B3GALT1: variants seen among roughly 807,000 people sequenced by gnomAD.
B3GALT1 encodes UDP-Gal:betaGlcNAc beta 1,3-galactosyltransferase, polypeptide 1.
B3GALT1 carries 10 observed loss-of-function variants against 23.2 expected under a neutral mutation model. That is an observed-to-expected ratio of 0.43 (90% CI 0.27 to 0.73). The LOEUF (loss-of-function observed/expected upper bound fraction) is 0.73, where lower values mean the gene tolerates loss of function less well. Among genes scored for constraint, B3GALT1 ranks in the 30% least tolerant of loss-of-function variants. The probability of loss-of-function intolerance (pLI) is 0.21; values close to 1 mark genes in which losing one functional copy is unlikely to be tolerated. For missense variants in B3GALT1, 299 were observed against 405.4 expected, an observed-to-expected ratio of 0.74 and a Z score of 2.25; for synonymous variants, 156 against 141.5, an observed-to-expected ratio of 1.10 and a Z score of -0.73.
At chr2:167,679,044 T>C (rs1686478872) in intron 3 of B3GALT1, among the ~76,000 whole-genome samples, 1 of 152,178 alleles carries the variant, frequency 6.6e-6, no homozygotes. Flanking sequence ...TATTCTTTTG[T>C]ACCTCTTCTG....
At chr2:167,424,994 T>C (rs1441288835) in intron 1 of B3GALT1, among the ~76,000 whole-genome samples, 1 of 152,126 alleles carries the variant, frequency 6.6e-6, no homozygotes, top group Non-Finnish European at 1.5e-5. Flanking sequence ...AGCTGCTCCT[T>C]CTGGTTAATT....
intron 1 of B3GALT1, among the ~76,000 whole-genome samples, chr2:167,422,597 A>G (rs1020672761): frequency 6.6e-6 from 1 of 152,154 alleles, no homozygotes; most frequent in African/African-American, 2.4e-5. Context: ...CAAAGAAACC[A>G]TGAGTGTACT....
intron 3 of B3GALT1, among the ~76,000 whole-genome samples, chr2:167,648,996 T>C (rs1685806398): frequency 6.6e-6 from 1 of 152,132 alleles, no homozygotes; most frequent in African/African-American, 2.4e-5. Context: ...GTAGATTTTA[T>C]AGCCTTTCAC....
chr2:167,691,794 A>G (rs1686718388), intron 3 of B3GALT1, among the ~76,000 whole-genome samples: 1 of 152,222 alleles, frequency 6.6e-6, no homozygotes, highest in Non-Finnish European at 1.5e-5. Context: ...GATAAAATGT[A>G]TAAGCTGTGT....
intron 4 of B3GALT1, among the ~76,000 whole-genome samples, chr2:167,830,835 G>A (rs922251088): frequency 1.3e-5 from 2 of 152,166 alleles, no homozygotes; most frequent in East Asian, 1.9e-4. Flanking sequence ...TGAACTGACC[G>A]TTCCCAGGAA....
chr2:167,391,621 G>A (rs1337014388), intron 1 of B3GALT1, among the ~76,000 whole-genome samples: 2 of 152,168 alleles, frequency 1.3e-5, no homozygotes, highest in Admixed American at 1.3e-4. Flanking sequence ...CAAATGTGAG[G>A]TTTTAAAGTT....
intron 2 of B3GALT1, among the ~76,000 whole-genome samples, chr2:167,642,863 T>G (rs1417826598): frequency 6.6e-6 from 1 of 152,130 alleles, no homozygotes; most frequent in African/African-American, 2.4e-5. Context: ...TAATATAATA[T>G]TAGGCATCCA....
At chr2:167,416,061 C>T (rs1291111168) in intron 1 of B3GALT1, among the ~76,000 whole-genome samples, 5 of 152,086 alleles carry the variant, frequency 3.3e-5, no homozygotes, top group African/African-American at 1.2e-4. Flanking sequence ...AAAGCTTGTT[C>T]AAGAGAGGAA....
At chr2:167,630,522 G>C (rs1470721765) in intron 2 of B3GALT1, among the ~76,000 whole-genome samples, 1 of 151,532 alleles carries the variant, frequency 6.6e-6, no homozygotes, top group Non-Finnish European at 1.5e-5. Flanking sequence ...TAATTTTTTA[G>C]ATACAGAAAT....
intron 2 of B3GALT1, among the ~76,000 whole-genome samples, chr2:167,642,568 C>G (rs1685671912): frequency 6.6e-6 from 1 of 152,190 alleles, no homozygotes; most frequent in Non-Finnish European, 1.5e-5. Context: ...CTGACCTGAT[C>G]TGACATTGAT....
At chr2:167,538,847 A>G (rs1683481367) in intron 2 of B3GALT1, among the ~76,000 whole-genome samples, 1 of 152,256 alleles carries the variant, frequency 6.6e-6, no homozygotes, top group African/African-American at 2.4e-5. Context: ...ACACACAAAA[A>G]CTATGCCTGC....
chr2:167,759,517 A>G (rs536950127), intron 3 of B3GALT1, among the ~76,000 whole-genome samples: 7 of 152,204 alleles, frequency 4.6e-5, no homozygotes, highest in African/African-American at 1.2e-4. Context: ...GTATTTTCCA[A>G]TGCAACCTAA....
chr2:167,683,500 G>A (rs2105494859), intron 3 of B3GALT1, among the ~76,000 whole-genome samples: 2 of 152,238 alleles, frequency 1.3e-5, no homozygotes, highest in South Asian at 4.2e-4. Flanking sequence ...GTGGGCAGAT[G>A]GCTTGAGCCC....
At position 167,476,289 on chromosome 2, in the gene B3GALT1, T is replaced by G. The variant is rs977303113; in HGVS notation, c.-510-13888T>G. 5.9e-5 allele frequency among the ~76,000 whole-genome samples: 9 copies of G among 152,366 alleles called. No individual in the cohort carries two copies. In the South Asian group the frequency reaches 1.9e-3, roughly 32 times the overall value. On this transcript the variant is annotated intron_variant, in intron 1 of 4. Transcript: ENST00000392690. ...AAAAAGCAGCTCTAGGTATTTATCT[T>G]CAGTAGTCACAGGCAGATTTGGGAC... is the stretch of plus-strand genomic sequence containing the variant.
chr2:167,796,175 A>T (rs1046927937), intron 3 of B3GALT1, among the ~76,000 whole-genome samples: 6 of 152,186 alleles, frequency 3.9e-5, no homozygotes, highest in African/African-American at 9.7e-5. Context: ...ATATGTGACT[A>T]ACTTGTCACA....
chr2:167,835,732 C>G (rs1183657258), intron 4 of B3GALT1, among the ~76,000 whole-genome samples: 2 of 152,248 alleles, frequency 1.3e-5, no homozygotes, highest in African/African-American at 4.8e-5. Context: ...ACTGCCTCCT[C>G]AAGTGGGTCC....
intron 2 of B3GALT1, among the ~76,000 whole-genome samples, chr2:167,512,544 A>ATGTATATATATG (rs1700024107): frequency 2.7e-5 from 2 of 73,356 alleles, no homozygotes; most frequent in African/African-American, 1.5e-4. Context: ...GTATATATAT[A>ATGTATATATATG]TGTATATATA....
intron 1 of B3GALT1, among the ~76,000 whole-genome samples, chr2:167,332,752 C>T (rs2105241137): frequency 6.6e-6 from 1 of 152,298 alleles, no homozygotes; most frequent in South Asian, 2.1e-4. Context: ...GCCACATAGA[C>T]AGCCCCACTA....
chr2:167,723,296 T>C (rs1558959834), intron 3 of B3GALT1, among the ~76,000 whole-genome samples: 1 of 152,232 alleles, frequency 6.6e-6, no homozygotes, highest in Non-Finnish European at 1.5e-5. Flanking sequence ...ATTGATGCAG[T>C]CTTCTCATTT....
Sources: gnomAD v4.1 joint callset for allele counts (sites outside exome capture counted in the v4.1 genomes callset) on GRCh38, gnomAD v4.1.1 for gene constraint, MANE v1.5 for transcripts, NCBI Gene and HGNC (gene_info 2026-07-23, HGNC 2026-07-21) for gene names.